The following ITSN1 variants were observed in gnomAD, a reference collection of about 807,000 sequenced individuals.
ITSN1 encodes the protein intersectin-1.
ITSN1 carries 58 observed loss-of-function variants against 239.8 expected under a neutral mutation model. The observed-to-expected ratio is 0.24, with a 90% CI of 0.20 to 0.30. ITSN1 has a LOEUF of 0.30. Among genes scored for constraint, ITSN1 ranks in the 10% least tolerant of loss-of-function variants. The probability of loss-of-function intolerance (pLI) is 1.00; values close to 1 mark genes in which losing one functional copy is unlikely to be tolerated. For synonymous variants in ITSN1, 780 were observed against 770.8 expected (o/e 1.01, Z -0.20); for missense variants, 1,558 against 2,103.3 (o/e 0.74, Z 5.07).
chr21:33,808,336 G>A (rs1052363701), intron 20 of ITSN1, among the ~76,000 whole-genome samples: 2 of 152,156 alleles, frequency 1.3e-5, no homozygotes, highest in African/African-American at 2.4e-5. Context: ...TGTAATCCCA[G>A]AACTTTGGGA....
chr21:33,807,881 G>C (rs999526518), intron 20 of ITSN1, among the ~76,000 whole-genome samples: 1 of 152,180 alleles, frequency 6.6e-6, no homozygotes, highest in Admixed American at 6.5e-5. Flanking sequence ...CTAGAGTGAA[G>C]GTAAAGTCAA....
chr21:33,836,919 C>A, intron 29 of ITSN1: 1 of 1,244,420 alleles, frequency 8.0e-7, no homozygotes. Context: ...ATGCCTGACT[C>A]ATTTTCCTAG....
At position 33,826,906 on chromosome 21, in the gene ITSN1, G is replaced by A. The variant is rs753378102; in HGVS notation, c.3229+43G>A. Reference sequence around the variant, plus strand: ...ATGCTTACTTTTCAATGTTTTGAATGTAATTGATAGTTGCTCCCCATCTTT... The same window carrying A: ...ATGCTTACTTTTCAATGTTTTGAATATAATTGATAGTTGCTCCCCATCTTT... On this transcript the variant is annotated intron_variant, in intron 26 of 39. Transcript: ENST00000381318. The A allele has an allele frequency of 1.1e-5, 16 of 1,488,616 alleles. No homozygotes were observed. In the Admixed American group the frequency reaches 1.3e-4, roughly 12 times the overall value. 92.2% of individuals were successfully genotyped at this position (1,488,616 alleles called of 1,614,324 possible). A position where few individuals can be genotyped will look rare whatever the true frequency, so the allele number is the denominator to read the frequency against.
At chr21:33,791,519 T>C (rs998135622) in intron 16 of ITSN1, among the ~76,000 whole-genome samples, 3 of 152,246 alleles carry the variant, frequency 2.0e-5, no homozygotes, top group African/African-American at 7.2e-5. Context: ...TTTTTGAAAC[T>C]GTGTCATAGG....
chr21:33,846,842 G>A (rs1050591827), intron 29 of ITSN1, among the ~76,000 whole-genome samples: 4 of 152,194 alleles, frequency 2.6e-5, no homozygotes, highest in Admixed American at 6.5e-5. Context: ...AGGCACCATC[G>A]TTTACAAAAT....
chr21:33,770,144 A>G (rs1460254190), intron 11 of ITSN1, among the ~76,000 whole-genome samples: 1 of 141,832 alleles, frequency 7.1e-6, no homozygotes, highest in Non-Finnish European at 1.5e-5. Context: ...GCTCACCACA[A>G]CCTCCGCCTC....
At chr21:33,745,847 C>T (rs62227749) in intron 5 of ITSN1, among the ~76,000 whole-genome samples, 31,419 of 152,100 alleles carry the variant, frequency 0.21, 4,001 homozygotes, top group Non-Finnish European at 0.27. Context: ...AGGGTGGGCC[C>T]GAGTCAGCTG....
chr21:33,680,244 C>A (rs2090860901), intron 1 of ITSN1, among the ~76,000 whole-genome samples: 1 of 151,682 alleles, frequency 6.6e-6, no homozygotes, highest in Non-Finnish European at 1.5e-5. Flanking sequence ...TATTTTCTTT[C>A]TGTTTTTGTT....
chr21:33,792,994 C>T (rs1444518285), intron 16 of ITSN1, among the ~76,000 whole-genome samples: 7 of 152,052 alleles, frequency 4.6e-5, no homozygotes. Context: ...CCCCCAGACC[C>T]CTATCTCCAG....
intron 29 of ITSN1, among the ~76,000 whole-genome samples, chr21:33,846,213 G>T (rs4817596): frequency 0.18 from 26,918 of 152,026 alleles, 3,300 homozygotes; most frequent in East Asian, 0.37. Flanking sequence ...GCCACTGGTA[G>T]GCCCCAGCTG....
chr21:33,703,020 T>C (rs1033815985), intron 1 of ITSN1, among the ~76,000 whole-genome samples: 8 of 151,774 alleles, frequency 5.3e-5, no homozygotes, highest in East Asian at 1.9e-4. Flanking sequence ...GTGGTTGCAG[T>C]GATTGCAGTG....
intron 1 of ITSN1, among the ~76,000 whole-genome samples, chr21:33,682,372 C>T (rs2091011433): frequency 1.3e-5 from 2 of 152,024 alleles, no homozygotes; most frequent in Admixed American, 1.3e-4. Context: ...TGCGCCACCA[C>T]GCCCGGCTAA....
chr21:33,727,146 A>G (rs1368603225), intron 4 of ITSN1, among the ~76,000 whole-genome samples: 1 of 152,196 alleles, frequency 6.6e-6, no homozygotes, highest in Admixed American at 6.5e-5. Context: ...AACCGTGGCC[A>G]AAGATGGTAC....
At chr21:33,677,553 T>C (rs1270303188) in intron 1 of ITSN1, among the ~76,000 whole-genome samples, 1 of 152,102 alleles carries the variant, frequency 6.6e-6, no homozygotes, top group Non-Finnish European at 1.5e-5. Flanking sequence ...TTGGCCAGGC[T>C]GGTCCCAAAC....
In ITSN1 at chr21:33,865,101, CT is replaced by C; in HGVS notation, c.3891-49del. 1.3e-6 allele frequency: 2 copies of C among 1,561,120 alleles called. No individual in the cohort carries two copies. Among genetic ancestry groups the C allele is most frequent in the Non-Finnish European group, 1.7e-6 (2 of 1,147,570 alleles). On this transcript the variant is annotated intron_variant, in intron 31 of 39. Coordinates refer to ENST00000381318, the MANE Select transcript of ITSN1 (RefSeq NM_003024.3). The surrounding 1 kb of genome is among the most constrained non-coding windows in gnomAD (Gnocchi z 4.4). ...TGTGCAACCTAAGTGTGCTGTGGTG[CT>C]GTCAGATAGCGTGAAAGCAGGGGGC...
chr21:33,875,816 G>C (rs769992984), intron 34 of ITSN1, among the ~76,000 whole-genome samples: 30 of 152,118 alleles, frequency 2.0e-4, no homozygotes, highest in Non-Finnish European at 1.5e-4. Flanking sequence ...GAATAGCTGG[G>C]ACTACAGGCA....
At chr21:33,795,503 T>C (rs1355439102) in intron 17 of ITSN1, among the ~76,000 whole-genome samples, 1 of 152,154 alleles carries the variant, frequency 6.6e-6, no homozygotes, top group African/African-American at 2.4e-5. Context: ...TCATTGACTT[T>C]AGTGGGCTGA....
chr21:33,693,356 T>TGTTTG (rs1490639642), intron 1 of ITSN1, among the ~76,000 whole-genome samples: 2 of 151,608 alleles, frequency 1.3e-5, no homozygotes, highest in African/African-American at 4.8e-5. Context: ...TGTTTTGTTT[T>TGTTTG]TTTTGGTGGG....
intron 29 of ITSN1, among the ~76,000 whole-genome samples, chr21:33,841,298 C>G (rs1290571732): frequency 6.6e-6 from 1 of 152,128 alleles, no homozygotes; most frequent in Non-Finnish European, 1.5e-5. Context: ...TAGGTTTAAC[C>G]ATATGAAATT....
Sources: allele counts gnomAD v4.1 joint callset (sites outside exome capture counted in the v4.1 genomes callset), GRCh38; gene constraint gnomAD v4.1.1; non-coding constraint Gnocchi (gnomAD v3.1); transcripts MANE v1.5; gene names NCBI Gene and HGNC (gene_info 2026-07-23, HGNC 2026-07-21).